POC1B: variants seen among roughly 807,000 people sequenced by gnomAD.
POC1B encodes POC1 centriolar protein homolog B.
A neutral mutation model predicts 60.6 loss-of-function variants in POC1B; 44 were observed. The observed-to-expected ratio is 0.73, with a 90% CI of 0.57 to 0.93. The LOEUF (loss-of-function observed/expected upper bound fraction) is 0.93. Ranked by LOEUF, POC1B falls within the 40% of genes least tolerant of loss-of-function variation. POC1B has a pLI of 0.00. For synonymous variants in POC1B, 180 were observed against 198.9 expected, an observed-to-expected ratio of 0.90 and a Z score of 0.80; for missense variants, 555 against 572.3, an observed-to-expected ratio of 0.97 and a Z score of 0.31.
intron 10 of POC1B, 128 bp downstream of exon 10, chr12:89,459,510 T>C (rs1882392723): frequency 4.8e-6 from 2 of 415,910 alleles, no homozygotes; most frequent in African/African-American, 2.1e-5. Context: ...GTTTTTCCTA[T>C]ACTAAAATGT....
chr12:89,497,068 GAGAATAA>G, intron 3 of POC1B, 96 bp downstream of exon 3: 1 of 1,187,144 alleles, frequency 8.4e-7, no homozygotes. Context: ...TTATGTGACT[GAGAATAA>G]CAGTGCAGGC....
downstream of POC1B, among the ~76,000 whole-genome samples, chr12:89,418,574 G>A (rs190319417): frequency 2.6e-5 from 4 of 152,242 alleles, no homozygotes; most frequent in African/African-American, 9.6e-5. Context: ...TTGGAGATGG[G>A]GCTTAAGGGG....
At chr12:89,448,305 C>T (rs1440697927) in intron 10 of POC1B, among the ~76,000 whole-genome samples, 1 of 152,026 alleles carries the variant, frequency 6.6e-6, no homozygotes, top group African/African-American at 2.4e-5. Context: ...AAACAAAACC[C>T]AACCAGCCAA....
At chr12:89,492,157 A>G in intron 3 of POC1B, 42 bp from the exon 4 acceptor site, 1 of 1,364,360 alleles carries the variant, frequency 7.3e-7, no homozygotes, top group Non-Finnish European at 9.8e-7. Context: ...ATTTGATTTA[A>G]TTATAGTTAA....
intron 2 of POC1B, chr12:89,502,654 A>T: frequency 7.5e-7 from 1 of 1,333,254 alleles, no homozygotes; most frequent in Non-Finnish European, 1.1e-6. Context: ...ATACATATCA[A>T]TTTTTTGTTA....
intron 2 of POC1B, chr12:89,523,354 G>A (rs1157956889): frequency 2.5e-6 from 4 of 1,613,906 alleles, no homozygotes; most frequent in Non-Finnish European, 2.5e-6. Flanking sequence ...TCTTGCTGGA[G>A]GGTTTCTATT....
At chr12:89,472,481 T>C (rs1030388417) in intron 4 of POC1B, 22 of 437,264 alleles carry the variant, frequency 5.0e-5, no homozygotes, top group East Asian at 8.4e-5. Context: ...AAATATGCTA[T>C]GTAGACTAAC....
intron 10 of POC1B, chr12:89,428,743 A>C (rs916875164): frequency 6.6e-6 from 1 of 152,138 alleles, no homozygotes; most frequent in South Asian, 2.1e-4. Flanking sequence ...TTTTCAGTAG[A>C]GACGGGGTTT....
chr12:89,450,545 T>C (rs1243112445), intron 10 of POC1B, among the ~76,000 whole-genome samples: 1 of 152,118 alleles, frequency 6.6e-6, no homozygotes, highest in Non-Finnish European at 1.5e-5. Context: ...TAAGGATCAA[T>C]TTTAAAATGA....
intron 4 of POC1B, among the ~76,000 whole-genome samples, chr12:89,477,528 A>C (rs1883170265): frequency 6.6e-6 from 1 of 151,916 alleles, no homozygotes; most frequent in Non-Finnish European, 1.5e-5. Flanking sequence ...TTGAAGAGGA[A>C]GGTTCTCTTC....
At chr12:89,514,141 G>A (rs1451487132) in intron 2 of POC1B, among the ~76,000 whole-genome samples, 1 of 152,104 alleles carries the variant, frequency 6.6e-6, no homozygotes, top group Admixed American at 6.5e-5. Flanking sequence ...GGACATGATT[G>A]GATCATAGGG....
intron 11 of POC1B, among the ~76,000 whole-genome samples, chr12:89,424,203 A>C (rs994050294): frequency 6.6e-6 from 1 of 152,126 alleles, no homozygotes; most frequent in Non-Finnish European, 1.5e-5. Context: ...TATTCACTTA[A>C]ATTAGTGGTT....
At chr12:89,455,553 G>C (rs80067792) in intron 10 of POC1B, among the ~76,000 whole-genome samples, 1,809 of 152,216 alleles carry the variant, frequency 0.012, 34 homozygotes, top group African/African-American at 0.041. Flanking sequence ...TGTTTCTTGA[G>C]GTCAGGCAGC....
chr12:89,406,975 C>T, the POC1B span, among the ~76,000 whole-genome samples: 2 of 137,226 alleles, frequency 1.5e-5, no homozygotes, highest in Non-Finnish European at 3.2e-5. Context: ...CCGAAACCCC[C>T]GTCTCTACTA....
intron 2 of POC1B, chr12:89,523,969 T>A: frequency 6.2e-7 from 1 of 1,613,856 alleles, no homozygotes; most frequent in Non-Finnish European, 8.5e-7. Context: ...GCGTACTCTA[T>A]CAAGATTGCT....
chr12:89,501,513 T>C, intron 2 of POC1B: 1 of 1,004,342 alleles, frequency 1.0e-6, no homozygotes, highest in Non-Finnish European at 1.5e-6. Context: ...AGATGGGAAA[T>C]GATTGTGCTT....
chr12:89,426,016 C>T (rs1880749592), intron 10 of POC1B: 1 of 152,116 alleles, frequency 6.6e-6, no homozygotes, highest in Admixed American at 6.5e-5. Context: ...AACGTATACA[C>T]AAAATGTGGT....
chr12:89,404,293 C>T, the POC1B span, among the ~76,000 whole-genome samples: 3 of 152,206 alleles, frequency 2.0e-5, no homozygotes, highest in East Asian at 5.8e-4. Flanking sequence ...ACCTAAGTGG[C>T]CATGTTCTGT....
rs943830883 is a variant in POC1B, at chr12:89,501,921, T to A, written c.101-4579A>T. ...AAGGTTCTGGAGGTATCATTGGTCATGATGAAATTTCCAGTTGTTTCCTGA... is the reference window on the plus strand; with the variant it reads ...AAGGTTCTGGAGGTATCATTGGTCAAGATGAAATTTCCAGTTGTTTCCTGA... On this transcript the variant is annotated intron_variant, in intron 2 of 11. Transcript: ENST00000313546. The A allele has an allele frequency of 4.5e-6, 5 of 1,120,586 alleles. No individual in the cohort carries two copies. The African/African-American group carries it at 7.6e-5, about 17-fold the overall frequency. The allele number at this position is 1,120,586 out of a possible 1,614,324, so 69.4% of individuals were successfully genotyped here.
Sources: gnomAD v4.1 joint callset for allele counts (sites outside exome capture counted in the v4.1 genomes callset) on GRCh38, gnomAD v4.1.1 for gene constraint, MANE v1.5 for transcripts, NCBI Gene and HGNC (gene_info 2026-07-23, HGNC 2026-07-21) for gene names.